CHD8: variants seen among roughly 807,000 people sequenced by gnomAD.
CHD8 encodes the protein chromodomain helicase DNA binding protein 8, also known as ATP-dependent chromatin remodeler CHD8.
In CHD8, 31 loss-of-function variants were observed where a neutral mutation model predicts 279.2. The observed-to-expected ratio is 0.11, with a 90% CI of 0.08 to 0.15. The LOEUF is 0.15. CHD8 is among the 10% of genes least tolerant of loss of function. CHD8 has a pLI of 1.00. For synonymous variants in CHD8, 1,081 were observed against 1,139.6 expected, an observed-to-expected ratio of 0.95 and a Z score of 1.04; for missense variants, 2,146 against 3,230.5, an observed-to-expected ratio of 0.66 and a Z score of 8.14.
Position 21,389,712 on chromosome 14 carries a change from C to T in CHD8, c.7182+1235G>A, listed in dbSNP as rs1245575920. 2.0e-5 allele frequency among the ~76,000 whole-genome samples: 3 copies of T among 152,188 alleles called. No individual in the cohort carries two copies. In the East Asian group the frequency reaches 5.8e-4, roughly 29 times the overall value. On this transcript the variant is annotated intron_variant, in intron 37 of 37. Transcript: ENST00000646647. ...GTTGAAATTTGGTGGAAAGAATAAA[C>T]TGTGGGTACTTAGTCCACCAAATGG...
chr14:21,396,944 T>C (rs1194694973), intron 27 of CHD8: 1 of 162,822 alleles, frequency 6.1e-6, no homozygotes, highest in Admixed American at 6.1e-5. Context: ...TGGTATAGCA[T>C]CCAATGGAAT....
intron 1 of CHD8, chr14:21,437,050 AC>A: frequency 2.9e-6 from 1 of 340,734 alleles, no homozygotes; most frequent in Non-Finnish European, 4.9e-6. Context: ...GATGGCCAAG[AC>A]GGGAAGATGC....
chr14:21,412,943 C>T lies in CHD8; in HGVS notation c.2196G>A (p.Glu732=), dbSNP rs780533814. ...CATTGTCCTTGTCAATACTGTGAGACTCATCCAATATCCTATCCACCTCTA... is the reference window on the plus strand; with the variant it reads ...CATTGTCCTTGTCAATACTGTGAGATTCATCCAATATCCTATCCACCTCTA... ...DYVEVDRILD[E]SHSIDKDNGE... Residue 732 remains glutamate, a synonymous_variant, in exon 10 of 38, where the codon GAG becomes GAA. Transcript: ENST00000646647. 88 of 1,610,382 alleles carry T rather than the reference C, an allele frequency of 5.5e-5. No homozygotes were observed. Among genetic ancestry groups the T allele is most frequent in the Non-Finnish European group, 7.5e-5 (88 of 1,176,896 alleles).
chr14:21,392,767 C>T lies in CHD8; in HGVS notation c.6511G>A (p.Val2171Ile). ...INRIDLVCQA[V>I]LSGKWPSSRR... ...CTAGAAGGCCACTTCCCTGAGAGTA[C>T]AGCCTGGCAGACGAGGTCAATACGG... Residue 2171 changes from valine (V) to isoleucine (I), a missense_variant, in exon 34 of 38, where the codon GTA (valine) becomes ATA (isoleucine). Physicochemically the swap from Val to Ile is conservative, Grantham distance 29. This residue lies in a region of CHD8 where 513 missense variants were observed against 637.6 expected (regional missense o/e 0.80). Transcript: ENST00000646647. 1.2e-6 allele frequency: 2 copies of T among 1,613,944 alleles called. No individual in the cohort carries two copies. The highest frequency in any genetic ancestry group is 1.3e-5 in the African/African-American group (1 of 75,030).
chr14:21,452,295 G>A (rs1384462024), intron 1 of CHD8, among the ~76,000 whole-genome samples: 1 of 151,934 alleles, frequency 6.6e-6, no homozygotes, highest in Non-Finnish European at 1.5e-5. Flanking sequence ...GATTACAGGC[G>A]TGAGCCACTG....
intron 37 of CHD8, among the ~76,000 whole-genome samples, chr14:21,390,721 T>C (rs1357912161): frequency 3.4e-5 from 5 of 146,726 alleles, no homozygotes; most frequent in African/African-American, 7.7e-5. Flanking sequence ...GAGGTTGCAG[T>C]AGGCCAAGAT....
chr14:21,428,886 T>C, intron 3 of CHD8, 78 bp downstream of exon 3: 1 of 1,359,370 alleles, frequency 7.4e-7, no homozygotes, highest in Admixed American at 2.1e-5. Context: ...CATTCAAGAA[T>C]AAGTGGTTGC....
intron 1 of CHD8, among the ~76,000 whole-genome samples, chr14:21,453,137 C>T (rs190255497): frequency 6.6e-6 from 1 of 151,776 alleles, no homozygotes; most frequent in African/African-American, 2.4e-5. Context: ...GGCAAGACCC[C>T]GTCTCTTAAG....
intron 27 of CHD8, chr14:21,396,668 G>A (rs1382983948): frequency 6.6e-6 from 1 of 152,118 alleles, no homozygotes; most frequent in Non-Finnish European, 1.5e-5. Context: ...CCGCCTCCTG[G>A]GTTCAAGTGT....
intron 1 of CHD8, chr14:21,437,093 G>T: frequency 1.2e-6 from 1 of 840,218 alleles, no homozygotes; most frequent in Non-Finnish European, 1.7e-6. Context: ...CCCGGGATAG[G>T]AGCAATGTTA....
At position 21,400,391 on chromosome 14, in the gene CHD8, A is replaced by G. The variant is rs774384453; in HGVS notation, c.4570+22T>C. The G allele has an allele frequency of 6.3e-7, 1 of 1,597,570 alleles. No individual in the cohort carries two copies. The highest frequency in any genetic ancestry group is 1.4e-5 in the African/African-American group (1 of 73,710). On this transcript the variant is annotated intron_variant, in intron 23 of 37. Transcript: ENST00000646647. The surrounding 1 kb of genome is among the most constrained non-coding windows in gnomAD (Gnocchi z 4.2). The stretch of plus-strand genomic sequence containing the variant: ...ATTAGATTAACCTATAGAAAAACAT[A>G]AAGTAAAGAGTTGATAATTACCTGA...
intron 11 of CHD8, among the ~76,000 whole-genome samples, 160 bp downstream of exon 11, chr14:21,409,691 A>T (rs1888396038): frequency 6.6e-6 from 1 of 152,230 alleles, no homozygotes; most frequent in Non-Finnish European, 1.5e-5. Flanking sequence ...ATATGTACTG[A>T]TAATTGTTAC....
Position 21,400,200 on chromosome 14 carries a change from A to T in CHD8, c.4678T>A (p.Leu1560Met), listed in dbSNP as rs753683984. The T allele has an allele frequency of 1.2e-6, 2 of 1,613,922 alleles. No individual in the cohort carries two copies. The highest frequency in any genetic ancestry group is 1.7e-6 in the Non-Finnish European group (2 of 1,179,880). ...TTCTTATAACTTTCATCTTGGAACA[A>T]AGTGTCAGGGTTATATTTCCGGATC... ...DWIRKYNPDT[L>M]FQDESYKKHL... Residue 1560 changes from leucine (L) to methionine (M), a missense_variant, in exon 24 of 38, where the codon TTG (leucine) becomes ATG (methionine). Around this residue, in one of 26 missense-constraint regions of CHD8, gnomAD observed 73 missense variants for 153.2 expected, o/e 0.48. Transcript: ENST00000646647. The surrounding 1 kb of genome is among the most constrained non-coding windows in gnomAD (Gnocchi z 4.2).
At chr14:21,420,533 T>A (rs540074663) in intron 5 of CHD8, among the ~76,000 whole-genome samples, 90 of 152,170 alleles carry the variant, frequency 5.9e-4, no homozygotes, top group Non-Finnish European at 1.2e-3. Flanking sequence ...TCTGAAAATT[T>A]TCCTAATAAA....
At position 21,385,698 on chromosome 14, in the gene CHD8, T is replaced by A. The variant is rs762463472; in HGVS notation, c.7661A>T (p.Tyr2554Phe). 10 of 1,551,930 alleles carry A rather than the reference T, an allele frequency of 6.4e-6. No homozygotes were observed. The East Asian group carries it at 2.4e-4, about 38-fold the overall frequency. The change falls in exon 38 of 38, where the codon TAT becomes TTT. Residue 2554 changes from tyrosine (Y) to phenylalanine (F), a missense_variant. By Grantham distance (22) the Tyr-to-Phe change is conservative. Coordinates refer to ENST00000646647, the MANE Select transcript of CHD8 (RefSeq NM_001170629.2). ...TGAGAAGTCCCTTTCTGAGCTATCA[T>A]AGCCCTGAGATAAGTCATCATCATC... ...EEDDDDLSQG[Y>F]DSSERDFSLI...
At chr14:21,451,449 T>C (rs1890253131) in intron 1 of CHD8, among the ~76,000 whole-genome samples, 1 of 151,364 alleles carries the variant, frequency 6.6e-6, no homozygotes, top group Admixed American at 6.6e-5. Flanking sequence ...CACGCGCCTA[T>C]AGTCCCAGCT....
At chr14:21,422,912 G>C (rs1344480648) in intron 5 of CHD8, among the ~76,000 whole-genome samples, 1 of 152,150 alleles carries the variant, frequency 6.6e-6, no homozygotes, top group East Asian at 1.9e-4. Flanking sequence ...CTGGGAAACA[G>C]AGCAAGACTC....
chr14:21,411,199 A>G (rs1428610569), intron 10 of CHD8, among the ~76,000 whole-genome samples: 1 of 152,212 alleles, frequency 6.6e-6, no homozygotes, highest in Non-Finnish European at 1.5e-5. Context: ...ATCCTGAAAA[A>G]TGATAAGAAT....
At chr14:21,399,842 T>G in intron 25 of CHD8, 137 bp from the exon 26 acceptor site, 1 of 945,594 alleles carries the variant, frequency 1.1e-6, no homozygotes, top group Non-Finnish European at 1.7e-6. Context: ...CTCCCACTAG[T>G]GTCAAGTATA....
Sources: allele counts gnomAD v4.1 joint callset (sites outside exome capture counted in the v4.1 genomes callset), GRCh38; gene constraint gnomAD v4.1.1; regional missense constraint gnomAD v4.1.1; non-coding constraint Gnocchi (gnomAD v3.1); transcripts MANE v1.5; gene names NCBI Gene and HGNC (gene_info 2026-07-23, HGNC 2026-07-21).